Variants in SP140L observed in about 807,000 individuals in gnomAD.
SP140L encodes the protein nuclear body protein SP140-like protein.
Under a neutral mutation model 84.3 loss-of-function variants are expected in SP140L, and 64 were observed. That is an observed-to-expected ratio of 0.76 (90% CI 0.62 to 0.94). The LOEUF (loss-of-function observed/expected upper bound fraction) is 0.94, where lower values mean the gene tolerates loss of function less well. Ranked by LOEUF, SP140L falls within the 40% of genes least tolerant of loss-of-function variation. The pLI is 0.00. For missense variants in SP140L, 628 were observed against 692.5 expected, an observed-to-expected ratio of 0.91 and a Z score of 1.05; for synonymous variants, 242 against 236.9, an observed-to-expected ratio of 1.02 and a Z score of -0.20.
chr2:230,330,362 T>G (rs962708365), intron 2 of SP140L, among the ~76,000 whole-genome samples: 5 of 152,224 alleles, frequency 3.3e-5, no homozygotes, highest in African/African-American at 1.2e-4. Context: ...CCCTGGCCTG[T>G]AAGAGCCTCT....
rs764788540 is a variant in SP140L at position 230,359,151 on chromosome 2, T to C, written c.439+19T>C. 3.4e-5 allele frequency: 54 copies of C among 1,598,998 alleles called. No homozygotes were observed. The highest frequency in any genetic ancestry group is 4.5e-5 in the Non-Finnish European group (53 of 1,175,636). The stretch of plus-strand genomic sequence containing the variant: ...AAAAATGGTAATTAGGTTTATTATC[T>C]ACCTTTTGATTTCCGGGGCCAATTT... On this transcript the variant is annotated intron_variant, in intron 4 of 18. Transcript: ENST00000415673.
chr2:230,342,515 G>A (rs1000191555), intron 2 of SP140L, among the ~76,000 whole-genome samples: 14 of 152,240 alleles, frequency 9.2e-5, no homozygotes, highest in East Asian at 5.8e-4. Flanking sequence ...CTTGGCTCCC[G>A]GAGCCTGCGT....
chr2:230,349,417 T>C (rs73110342), intron 2 of SP140L, among the ~76,000 whole-genome samples: 8,177 of 152,270 alleles, frequency 0.054, 770 homozygotes, highest in African/African-American at 0.19. Flanking sequence ...TTTGGAATTT[T>C]GATAGGAATC....
chr2:230,352,771 G>A (rs1054459654), intron 2 of SP140L, among the ~76,000 whole-genome samples: 3 of 151,272 alleles, frequency 2.0e-5, no homozygotes, highest in Non-Finnish European at 4.4e-5. Context: ...ATAGCCTATC[G>A]CATTAGCTAA....
rs538130432 is a variant in SP140L, at chr2:230,351,216, A to G, written c.108-6589A>G. On this transcript the variant is annotated intron_variant, in intron 2 of 18. Coordinates refer to ENST00000415673, the MANE Select transcript of SP140L (RefSeq NM_138402.6). ...GCCAAATCTTTTCTGAAAAGGCTGC[A>G]GTAATTCATGCTCACACCAGCCATG... Among the ~76,000 whole-genome samples, 290 of 152,370 alleles carry G rather than the reference A, an allele frequency of 1.9e-3. 1 individual carries two copies. The highest frequency in any genetic ancestry group is 6.7e-3 in the African/African-American group (278 of 41,584).
At chr2:230,330,753 T>C (rs2059703261) in intron 2 of SP140L, among the ~76,000 whole-genome samples, 1 of 152,234 alleles carries the variant, frequency 6.6e-6, no homozygotes, top group South Asian at 2.1e-4. Context: ...TTTCACTTTC[T>C]GAGGTTTCAT....
intron 7 of SP140L, chr2:230,372,056 T>C (rs1449766942): frequency 5.3e-6 from 1 of 187,376 alleles, no homozygotes; most frequent in Non-Finnish European, 1.1e-5. Flanking sequence ...GGATGACCTC[T>C]AGAAGCTGAA....
chr2:230,340,302 T>G (rs1264405845), intron 2 of SP140L, among the ~76,000 whole-genome samples: 1 of 147,642 alleles, frequency 6.8e-6, no homozygotes, highest in East Asian at 2.0e-4. Flanking sequence ...TATCAGAGAC[T>G]AGGGTTGCAA....
intron 7 of SP140L, among the ~76,000 whole-genome samples, chr2:230,376,875 C>T (rs1018920484): frequency 1.3e-5 from 2 of 151,970 alleles, no homozygotes; most frequent in African/African-American, 2.4e-5. Context: ...ACACATAAAC[C>T]AATGGAATAG....
At position 230,327,206 on chromosome 2, in the gene SP140L, G is replaced by T; in HGVS notation, c.-64G>T. 4 of 1,554,948 alleles carry T rather than the reference G, an allele frequency of 2.6e-6. No homozygotes were observed. The highest frequency in any genetic ancestry group is 3.4e-4 in the Middle Eastern group (2 of 5,960). Reference sequence around the variant, plus strand: ...GTCAGGGCAGCCACACTGCACGCAGGCTGGGCCGACTGGGGAGCTCATAGG... The same window carrying T: ...GTCAGGGCAGCCACACTGCACGCAGTCTGGGCCGACTGGGGAGCTCATAGG... On this transcript the variant is annotated 5_prime_UTR_variant, in exon 1 of 19. Transcript: ENST00000415673.
At chr2:230,390,209 A>G (rs551150982) in intron 11 of SP140L, among the ~76,000 whole-genome samples, 186 bp downstream of exon 11, 1 of 152,324 alleles carries the variant, frequency 6.6e-6, no homozygotes, top group South Asian at 2.1e-4. Context: ...TTAGACGCTG[A>G]CTCGCACATG....
chr2:230,345,009 T>C (rs769931490), intron 2 of SP140L, among the ~76,000 whole-genome samples: 4 of 152,230 alleles, frequency 2.6e-5, no homozygotes, highest in Non-Finnish European at 4.4e-5. Context: ...TATATGTCTT[T>C]TAGGTCCATT....
chr2:230,339,671 A>G (rs1375828848), intron 2 of SP140L, among the ~76,000 whole-genome samples: 6 of 146,472 alleles, frequency 4.1e-5, no homozygotes, highest in Admixed American at 2.7e-4. Flanking sequence ...CTTTGAATGC[A>G]TCCCAGAGAT....
chr2:230,344,443 A>G (rs1169184626), intron 2 of SP140L, among the ~76,000 whole-genome samples: 1 of 152,190 alleles, frequency 6.6e-6, no homozygotes, highest in South Asian at 2.1e-4. Context: ...TGAAGATGGC[A>G]TACCGATGGG....
intron 11 of SP140L, 98 bp downstream of exon 11, chr2:230,390,121 T>G: frequency 2.6e-6 from 3 of 1,134,714 alleles, no homozygotes; most frequent in Non-Finnish European, 3.8e-6. Context: ...TTCAAGGAGT[T>G]TTGGGCCCAG....
At position 230,359,284 on chromosome 2, in the gene SP140L, C is replaced by T. The variant is rs1459529921; in HGVS notation, c.439+152C>T. 2.6e-5 allele frequency among the ~76,000 whole-genome samples: 4 copies of T among 152,128 alleles called. No homozygotes were observed. The East Asian group carries it at 5.8e-4, about 22-fold the overall frequency. On this transcript the variant is annotated intron_variant, in intron 4 of 18. Coordinates refer to ENST00000415673, the MANE Select transcript of SP140L (RefSeq NM_138402.6). ...ACGTGTCATGAGTCTTCTTGAAGCC[C>T]ATGGTATATGGCTATGGCAAAACAA...
At chr2:230,331,487 A>G (rs1363723892) in intron 2 of SP140L, among the ~76,000 whole-genome samples, 1 of 152,168 alleles carries the variant, frequency 6.6e-6, no homozygotes, top group African/African-American at 2.4e-5. Flanking sequence ...TTCTTGTTTC[A>G]ATACTGAACT....
intron 12 of SP140L, 72 bp downstream of exon 12, chr2:230,392,301 C>T (rs1276869127): frequency 1.9e-6 from 3 of 1,596,874 alleles, no homozygotes; most frequent in Non-Finnish European, 8.5e-7. Context: ...ACTGTTTATT[C>T]ACCAAATATT....
Position 230,344,177 on chromosome 2 carries a change from T to C in SP140L, c.108-13628T>C, listed in dbSNP as rs530340285. On this transcript the variant is annotated intron_variant, in intron 2 of 18. Coordinates refer to ENST00000415673, the MANE Select transcript of SP140L (RefSeq NM_138402.6). ...TCTAAGTCTCTTTGTAGGTTTCTAA[T>C]AACCTGCTTTATGAATCTGGGTGCT... Among the ~76,000 whole-genome samples the C allele has an allele frequency of 2.6e-5, 4 of 152,292 alleles. No homozygotes were observed. In the South Asian group the frequency reaches 8.3e-4, roughly 32 times the overall value.
Sources: allele counts gnomAD v4.1 joint callset (sites outside exome capture counted in the v4.1 genomes callset), GRCh38; gene constraint gnomAD v4.1.1; transcripts MANE v1.5; gene names NCBI Gene and HGNC (gene_info 2026-07-23, HGNC 2026-07-21).